PTPRN2: variants seen among roughly 807,000 people sequenced by gnomAD.
The protein encoded by PTPRN2 is protein tyrosine phosphatase receptor type N2, also known as receptor-type tyrosine-protein phosphatase N2.
A neutral mutation model predicts 118.8 loss-of-function variants in PTPRN2; 74 were observed. That is an observed-to-expected ratio of 0.62 (90% CI 0.52 to 0.76). The LOEUF (loss-of-function observed/expected upper bound fraction) is 0.76. Among genes scored for constraint, PTPRN2 ranks in the 30% least tolerant of loss-of-function variants. The probability of loss-of-function intolerance (pLI) is 0.00; values close to 1 mark genes in which losing one functional copy is unlikely to be tolerated. For synonymous variants in PTPRN2, 641 were observed against 608.0 expected (o/e 1.05, Z -0.80); for missense variants, 1,481 against 1,394.4 (o/e 1.06, Z -0.99).
At chr7:158,396,338 A>C (rs562015109) in intron 2 of PTPRN2, among the ~76,000 whole-genome samples, 2 of 152,260 alleles carry the variant, frequency 1.3e-5, no homozygotes, top group Non-Finnish European at 2.9e-5. Context: ...CCGCAAAAGG[A>C]ATCAAAACAA....
rs539143638 is a variant in PTPRN2 at position 157,752,213 on chromosome 7, G to A, written c.1789-69276C>T. 9.6e-4 allele frequency among the ~76,000 whole-genome samples: 146 copies of A among 152,326 alleles called. 2 individuals are homozygous for A. The highest frequency in any genetic ancestry group is 1.9e-4 in the Non-Finnish European group (13 of 68,020). On this transcript the variant is annotated intron_variant, in intron 12 of 22. Transcript: ENST00000389418. ...TTCTCCAGGGTGGGGGCACCGAGTG[G>A]CCAGGGCGGCTAAGACAGGTCGGCC...
At chr7:158,192,571 T>G in intron 4 of PTPRN2, 76 bp from the exon 5 acceptor site, 1 of 1,467,018 alleles carries the variant, frequency 6.8e-7, no homozygotes, top group Middle Eastern at 1.7e-4. Flanking sequence ...CTGTGGTGCC[T>G]GGGTGCATGC....
At chr7:158,070,260 G>C (rs540270753) in intron 11 of PTPRN2, among the ~76,000 whole-genome samples, 1 of 152,234 alleles carries the variant, frequency 6.6e-6, no homozygotes, top group South Asian at 2.1e-4. Context: ...GGTGCTCATG[G>C]TGATGGAGGT....
rs1201697796 is a variant in PTPRN2, at chr7:157,627,081, T to A, written c.2197-5572A>T. On this transcript the variant is annotated intron_variant, in intron 14 of 22. Coordinates refer to ENST00000389418, the MANE Select transcript of PTPRN2 (RefSeq NM_002847.5). The surrounding 1 kb of genome is among the most constrained non-coding windows in gnomAD (Gnocchi z 4.2). ...CCACAACTCTTCTCCTTTTTTCACA[T>A]CTCCCTCATTCTCCACAGTCCAGGT... Among the ~76,000 whole-genome samples the A allele has an allele frequency of 6.6e-6, 1 of 152,210 alleles. No individual in the cohort carries two copies. Among genetic ancestry groups the A allele is most frequent in the African/African-American group, 2.4e-5 (1 of 41,464 alleles).
intron 5 of PTPRN2, among the ~76,000 whole-genome samples, chr7:158,182,687 T>C (rs1585765630): frequency 6.6e-6 from 1 of 152,250 alleles, no homozygotes. Flanking sequence ...TATTCCATGG[T>C]GTATATGTAC....
At chr7:157,544,668 G>C (rs1229702241) in intron 22 of PTPRN2, among the ~76,000 whole-genome samples, 2 of 152,244 alleles carry the variant, frequency 1.3e-5, no homozygotes, top group Non-Finnish European at 2.9e-5. Flanking sequence ...TTGTGGGCAG[G>C]AAAGTGTTAA....
chr7:158,384,452 G>T (rs2151355350), intron 2 of PTPRN2, among the ~76,000 whole-genome samples: 1 of 152,268 alleles, frequency 6.6e-6, no homozygotes, highest in South Asian at 2.1e-4. Flanking sequence ...GGTAGGCACT[G>T]ACAGTATCCA....
rs144610702 is a variant in PTPRN2, at chr7:158,043,595, G to A, written c.1723+37703C>T. On this transcript the variant is annotated intron_variant, in intron 11 of 22. Transcript: ENST00000389418. ...TGGCATTTGGGTGGCAGACATGGCCGTGAATGGGAAGGAGAAGGGCCTGAC... is the reference window on the plus strand; with the variant it reads ...TGGCATTTGGGTGGCAGACATGGCCATGAATGGGAAGGAGAAGGGCCTGAC... Among the ~76,000 whole-genome samples the A allele has an allele frequency of 3.8e-3, 585 of 152,368 alleles. 1 individual carries two copies. Among genetic ancestry groups the A allele is most frequent in the African/African-American group, 0.013 (557 of 41,582 alleles).
At chr7:157,621,069 C>A (rs1563272033) in intron 15 of PTPRN2, among the ~76,000 whole-genome samples, 1 of 148,670 alleles carries the variant, frequency 6.7e-6, no homozygotes, top group African/African-American at 2.5e-5. Context: ...CCTCCTGTCA[C>A]CCTGGCCACC....
At chr7:158,469,122 T>TGCACACCTATGCACATTC (rs1301344649) in intron 2 of PTPRN2, among the ~76,000 whole-genome samples, 1 of 151,862 alleles carries the variant, frequency 6.6e-6, no homozygotes, top group Non-Finnish European at 1.5e-5. Flanking sequence ...ATCAACAGTG[T>TGCACACCTATGCACATTC]CAGGCTTTCA....
At chr7:157,736,776 G>A (rs575645875) in intron 12 of PTPRN2, among the ~76,000 whole-genome samples, 2 of 152,252 alleles carry the variant, frequency 1.3e-5, no homozygotes, top group East Asian at 1.9e-4. Context: ...TTTCGTGGAC[G>A]GCGCTCACCT....
Position 158,173,408 on chromosome 7 carries a change from C to A in PTPRN2, c.550-6117G>T, listed in dbSNP as rs150558631. 4.5e-3 allele frequency among the ~76,000 whole-genome samples: 682 copies of A among 152,240 alleles called. 5 individuals carry two copies. Among genetic ancestry groups the A allele is most frequent in the African/African-American group, 0.016 (654 of 41,530 alleles). On this transcript the variant is annotated intron_variant, in intron 5 of 22. Transcript: ENST00000389418. ...TGTGATGCCCACCTGAGCCACAAAA[C>A]CAGCAAGTTTTTATTAGGGATTTCA...
At chr7:157,832,860 G>A (rs1807658872) in intron 12 of PTPRN2, among the ~76,000 whole-genome samples, 1 of 152,264 alleles carries the variant, frequency 6.6e-6, no homozygotes, top group Admixed American at 6.5e-5. Context: ...AATGGGGACA[G>A]TGGGAAAAGT....
chr7:158,111,875 C>A (rs1330236331), intron 9 of PTPRN2, among the ~76,000 whole-genome samples: 1 of 152,204 alleles, frequency 6.6e-6, no homozygotes, highest in Non-Finnish European at 1.5e-5. Context: ...GGAAATAGGG[C>A]TATCATAGAT....
At chr7:157,982,073 CAG>C (rs1205673318) in intron 11 of PTPRN2, among the ~76,000 whole-genome samples, 7 of 146,386 alleles carry the variant, frequency 4.8e-5, no homozygotes, top group Non-Finnish European at 1.5e-5. Context: ...GAGGGGAATG[CAG>C]AGTGCAGGGT....
At chr7:157,683,837 C>T (rs1797031106) in intron 12 of PTPRN2, among the ~76,000 whole-genome samples, 1 of 152,130 alleles carries the variant, frequency 6.6e-6, no homozygotes, top group African/African-American at 2.4e-5. Context: ...CCCCGCAGAC[C>T]GCGCGCCCTG....
In PTPRN2 at chr7:157,861,786, A is replaced by T. The variant is rs1052206232; in HGVS notation, c.1788+36887T>A. On this transcript the variant is annotated intron_variant, in intron 12 of 22. Transcript: ENST00000389418. The surrounding 1 kb of genome is among the most constrained non-coding windows in gnomAD (Gnocchi z 5.8). Reference sequence around the variant, plus strand: ...AGCGCTTCCCTCCTGCCTCCGAGCCACGCAGACGGCTTCCCTCTGCATGCC... The same window carrying T: ...AGCGCTTCCCTCCTGCCTCCGAGCCTCGCAGACGGCTTCCCTCTGCATGCC... 3.3e-5 allele frequency among the ~76,000 whole-genome samples: 5 copies of T among 152,208 alleles called. No individual in the cohort carries two copies. Among genetic ancestry groups the T allele is most frequent in the Admixed American group, 6.5e-5 (1 of 15,280 alleles).
intron 6 of PTPRN2, among the ~76,000 whole-genome samples, chr7:158,159,339 C>T (rs868053424): frequency 6.6e-6 from 1 of 152,238 alleles, no homozygotes; most frequent in Non-Finnish European, 1.5e-5. Flanking sequence ...ATGAACACCA[C>T]GGGCCCCATC....
chr7:158,147,346 C>T (rs1419517488), intron 6 of PTPRN2, among the ~76,000 whole-genome samples: 4 of 96,852 alleles, frequency 4.1e-5, no homozygotes, highest in African/African-American at 2.3e-4. Flanking sequence ...GACACCCCAT[C>T]TCACGCCACG....
Sources: allele counts gnomAD v4.1 joint callset (sites outside exome capture counted in the v4.1 genomes callset), GRCh38; gene constraint gnomAD v4.1.1; non-coding constraint Gnocchi (gnomAD v3.1); transcripts MANE v1.5; gene names NCBI Gene and HGNC (gene_info 2026-07-23, HGNC 2026-07-21).